Variants in MAN2B1 observed in about 807,000 individuals in gnomAD.
The protein encoded by MAN2B1 is mannosidase alpha class 2B member 1.
A neutral mutation model predicts 127.5 loss-of-function variants in MAN2B1; 99 were observed. The observed-to-expected ratio is 0.78, with a 90% CI of 0.66 to 0.92. The LOEUF (loss-of-function observed/expected upper bound fraction) is 0.92. Among genes scored for constraint, MAN2B1 ranks in the 40% least tolerant of loss-of-function variants. The pLI, the probability that MAN2B1 is intolerant of heterozygous loss-of-function variation, is 0.00. For missense variants in MAN2B1, 1,304 were observed against 1,384.8 expected, an observed-to-expected ratio of 0.94 and a Z score of 0.93; for synonymous variants, 573 against 568.8, an observed-to-expected ratio of 1.01 and a Z score of -0.11.
intron 14 of MAN2B1, among the ~76,000 whole-genome samples, chr19:12,654,680 A>C (rs2023917589): frequency 6.6e-6 from 1 of 151,970 alleles, no homozygotes; most frequent in Non-Finnish European, 1.5e-5. Flanking sequence ...AACTTCTTTT[A>C]TTTTATTTTA....
intron 6 of MAN2B1, among the ~76,000 whole-genome samples, chr19:12,662,937 C>CAAA (rs33998995): frequency 7.9e-6 from 1 of 126,176 alleles, no homozygotes; most frequent in African/African-American, 3.0e-5. Flanking sequence ...GACTCTGTCT[C>CAAA]AAAAAAAAAA....
rs1427222387 is a variant in MAN2B1 at position 12,646,705 on chromosome 19, T to C, written c.2951A>G (p.Gln984Arg). ...TGPTPHQTPY[Q>R]LDPANITLEP... ...CAGCGTGATGTTGGCCGGGTCCAGC[T>C]GGTACGGAGTTTGGTGGGGTGTGGG... Residue 984 changes from glutamine (Q) to arginine (R), a missense_variant, in exon 24 of 24, where the codon CAG becomes CGG. Gln to Arg is a conservative substitution (Grantham distance 43). Transcript: ENST00000456935. 1 of 1,614,020 alleles carries C rather than the reference T, an allele frequency of 6.2e-7. No individual in the cohort carries two copies. Among genetic ancestry groups the C allele is most frequent in the Non-Finnish European group, 8.5e-7 (1 of 1,179,932 alleles).
chr19:12,660,118 C>G (rs781090201), intron 7 of MAN2B1, among the ~76,000 whole-genome samples: 1 of 152,122 alleles, frequency 6.6e-6, no homozygotes, highest in Non-Finnish European at 1.5e-5. Context: ...GTGTCCATGT[C>G]CTGATCCCCA....
At chr19:12,656,728 G>T in intron 12 of MAN2B1, 41 bp from the exon 13 acceptor site, 1 of 1,444,928 alleles carries the variant, frequency 6.9e-7, no homozygotes, top group Non-Finnish European at 9.7e-7. Context: ...GTCACAGCAG[G>T]CCTTCTCCAA....
intron 16 of MAN2B1, 135 bp from the exon 17 acceptor site, chr19:12,650,357 C>CTT (rs35532533): frequency 1.2e-3 from 569 of 492,662 alleles, no homozygotes; most frequent in East Asian, 2.2e-3. Context: ...CCACATAATT[C>CTT]TTTTTTTTTT....
chr19:12,662,500 G>A (rs1327893040), intron 6 of MAN2B1, among the ~76,000 whole-genome samples: 1 of 151,900 alleles, frequency 6.6e-6, no homozygotes, highest in African/African-American at 2.4e-5. Flanking sequence ...CATGGTGGTG[G>A]GCACCTGTAA....
chr19:12,663,293 G>C (rs781465198), intron 6 of MAN2B1, 24 bp downstream of exon 6: 29 of 1,613,982 alleles, frequency 1.8e-5, no homozygotes, highest in Non-Finnish European at 2.4e-5. Flanking sequence ...TACCGGACTC[G>C]AAGGTTCTGG....
intron 17 of MAN2B1, 37 bp from the exon 18 acceptor site, chr19:12,650,051 A>AT: frequency 1.2e-6 from 2 of 1,610,950 alleles, no homozygotes; most frequent in Non-Finnish European, 1.7e-6. Context: ...TGAGCCTTGG[A>AT]TAAACCCCTC....
intron 16 of MAN2B1, among the ~76,000 whole-genome samples, chr19:12,651,894 AGTATGTAAAC>A (rs2023846638): frequency 6.6e-6 from 1 of 152,214 alleles, no homozygotes; most frequent in South Asian, 2.1e-4. Flanking sequence ...TCCAAAACTA[AGTATGTAAAC>A]GTCCACAGCA....
Position 12,656,662 on chromosome 19 carries a change from A to C in MAN2B1, c.1553T>G (p.Leu518Arg). The change falls in exon 13 of 24, where the codon CTG becomes CGG. Residue 518 changes from leucine to arginine, a missense_variant. Leu to Arg is a moderately radical substitution (Grantham distance 102). Transcript: ENST00000456935. ...TACCATCCAATTCACCTTCCGCCCC[A>C]GGGGATTATAAACGATGACCTGGAA... ...ARFQVIVYNP[L>R]GRKVNWMVRL... 1 of 1,613,904 alleles carries C rather than the reference A, an allele frequency of 6.2e-7. No homozygotes were observed. Among genetic ancestry groups the C allele is most frequent in the Non-Finnish European group, 8.5e-7 (1 of 1,179,882 alleles).
rs1264671081 is a variant in MAN2B1, at chr19:12,651,672, A to G, written c.2046+481T>C. Among the ~76,000 whole-genome samples, 4 of 152,318 alleles carry G rather than the reference A, an allele frequency of 2.6e-5. No homozygotes were observed. The East Asian group carries it at 5.8e-4, about 22-fold the overall frequency. On this transcript the variant is annotated intron_variant, in intron 16 of 23. Coordinates refer to ENST00000456935, the MANE Select transcript of MAN2B1 (RefSeq NM_000528.4). ...TGTCATCTATGAAAGTCAAACATCAATGAGAGGCCCTGGGAAACCACTGTT... is the reference window on the plus strand; with the variant it reads ...TGTCATCTATGAAAGTCAAACATCAGTGAGAGGCCCTGGGAAACCACTGTT...
intron 9 of MAN2B1, 27 bp from the exon 10 acceptor site, chr19:12,658,168 G>T: frequency 1.2e-6 from 2 of 1,613,508 alleles, no homozygotes; most frequent in South Asian, 1.1e-5. Context: ...ATGTTGGGGC[G>T]CCCAGCCTGT....
In MAN2B1 at chr19:12,647,275, G is replaced by A; in HGVS notation, c.2881C>T (p.Leu961Phe). The A allele has an allele frequency of 6.2e-7, 1 of 1,614,136 alleles. No individual in the cohort carries two copies. Among genetic ancestry groups the A allele is most frequent in the Non-Finnish European group, 8.5e-7 (1 of 1,180,008 alleles). ...LQETTLVANQ[L>F]REAASRLKWT... ...TTGAGCCTGGAGGCTGCCTCGCGGA[G>A]CTGGTTGGCCACCAGCGTGGTCTCC... is the stretch of plus-strand genomic sequence containing the variant. The change falls in exon 23 of 24, where the codon CTC (leucine) becomes TTC (phenylalanine). Residue 961 changes from leucine to phenylalanine, a missense_variant. Coordinates refer to ENST00000456935, the MANE Select transcript of MAN2B1 (RefSeq NM_000528.4). This position sits in a 1 kb window ranked among gnomAD's most constrained non-coding sequence, Gnocchi z 4.9.
chr19:12,656,048 T>A, intron 13 of MAN2B1, 169 bp from the exon 14 acceptor site: 3 of 572,028 alleles, frequency 5.2e-6, no homozygotes, highest in Non-Finnish European at 9.2e-6. Flanking sequence ...CAGAGAAGAT[T>A]CACCAGGTGG....
intron 8 of MAN2B1, 31 bp downstream of exon 8, chr19:12,658,396 AC>A (rs545310101): frequency 6.2e-6 from 10 of 1,613,966 alleles, no homozygotes; most frequent in Non-Finnish European, 8.5e-6. Flanking sequence ...GGGCATGCCA[AC>A]CCCCCCAAGC....
intron 14 of MAN2B1, among the ~76,000 whole-genome samples, chr19:12,652,823 T>C (rs1321395219): frequency 7.1e-6 from 1 of 141,406 alleles, no homozygotes; most frequent in East Asian, 1.9e-4. Context: ...TAAGCCACTG[T>C]GCCCAGCCGG....
chr19:12,656,701 G>T lies in MAN2B1; in HGVS notation c.1528-14C>A. 6.4e-7 allele frequency: 1 copy of T among 1,554,454 alleles called. No homozygotes were observed. Among genetic ancestry groups the T allele is most frequent in the Non-Finnish European group, 8.9e-7 (1 of 1,125,730 alleles). ...GATGACCTGGAACTGGGGAGGCGGG[G>T]GTCAGAGAGGGCATGGGTCACAGCA... On this transcript the variant is annotated splice_polypyrimidine_tract_variant and intron_variant, in intron 12 of 23. Transcript: ENST00000456935.
In MAN2B1 at chr19:12,647,253, A is replaced by G. The variant is rs200431869; in HGVS notation, c.2903T>C (p.Leu968Pro). ...ANQLREAASR[L>P]KWTTNTGPTP... ...CCCACCTGTGTTTGTTGTCCACTTG[A>G]GCCTGGAGGCTGCCTCGCGGAGCTG... Residue 968 changes from leucine to proline, a missense_variant, in exon 23 of 24, where the codon CTC becomes CCC. Transcript: ENST00000456935. This position sits in a 1 kb window ranked among gnomAD's most constrained non-coding sequence, Gnocchi z 4.9. 1.2e-5 allele frequency: 20 copies of G among 1,613,912 alleles called. 1 individual carries two copies. The Admixed American group carries it at 2.5e-4, about 20-fold the overall frequency.
intron 7 of MAN2B1, among the ~76,000 whole-genome samples, chr19:12,660,224 T>G (rs1338299741): frequency 6.6e-6 from 1 of 152,126 alleles, no homozygotes; most frequent in African/African-American, 2.4e-5. Context: ...GTAGGGAAAT[T>G]AGGCCACACA....
Sources: gnomAD v4.1 joint callset for allele counts (sites outside exome capture counted in the v4.1 genomes callset) on GRCh38, gnomAD v4.1.1 for gene constraint, Gnocchi (gnomAD v3.1) non-coding constraint, MANE v1.5 for transcripts, NCBI Gene and HGNC (gene_info 2026-07-23, HGNC 2026-07-21) for gene names.